The following PCNX1 variants were observed in gnomAD, a reference collection of about 807,000 sequenced individuals.
PCNX1 encodes pecanex 1.
PCNX1 carries 78 observed loss-of-function variants against 242.2 expected under a neutral mutation model. The ratio of observed to expected loss-of-function variants is 0.32; its 90% CI spans 0.27 to 0.39. The LOEUF (loss-of-function observed/expected upper bound fraction) is 0.39, where lower values mean the gene tolerates loss of function less well. Among genes scored for constraint, PCNX1 ranks in the 10% least tolerant of loss-of-function variants. PCNX1 has a pLI of 1.00. For missense variants in PCNX1, 2,581 were observed against 2,856.5 expected (o/e 0.90, Z 2.20); for synonymous variants, 1,024 against 1,032.9 (o/e 0.99, Z 0.17).
At chr14:70,948,618 T>C (rs571240307) in intron 2 of PCNX1, among the ~76,000 whole-genome samples, 1 of 151,268 alleles carries the variant, frequency 6.6e-6, no homozygotes, top group Non-Finnish European at 1.5e-5. Flanking sequence ...TAGATGTGTA[T>C]ATATACACAT....
intron 1 of PCNX1, among the ~76,000 whole-genome samples, chr14:70,944,608 G>A (rs1399166632): frequency 1.3e-5 from 2 of 152,140 alleles, no homozygotes; most frequent in African/African-American, 2.4e-5. Flanking sequence ...AAGACTTTGG[G>A]GGACAGTTGG....
intron 13 of PCNX1, 61 bp downstream of exon 13, chr14:71,023,293 GGTTT>G: frequency 7.5e-7 from 1 of 1,325,732 alleles, no homozygotes; most frequent in Non-Finnish European, 1.1e-6. Context: ...TAATATTTGT[GGTTT>G]GTTTTTTGTT....
chr14:70,941,411 G>A (rs942374643), intron 1 of PCNX1, among the ~76,000 whole-genome samples: 2 of 152,190 alleles, frequency 1.3e-5, no homozygotes, highest in African/African-American at 4.8e-5. Flanking sequence ...GACCCTGTTT[G>A]CCTGGATATC....
chr14:71,104,800 G>A lies in PCNX1; in HGVS notation c.6096-435G>A, dbSNP rs151248097. Among the ~76,000 whole-genome samples, 97 of 152,270 alleles carry A rather than the reference G, an allele frequency of 6.4e-4. 1 individual carries two copies. In the South Asian group the frequency reaches 0.016, roughly 26 times the overall value. Reference sequence around the variant, plus strand: ...AAATTAGCTGGACATGGTAGTGGGCGCCTGTAGTCCCAGCTACTCAGGAGG... The same window carrying A: ...AAATTAGCTGGACATGGTAGTGGGCACCTGTAGTCCCAGCTACTCAGGAGG... On this transcript the variant is annotated intron_variant, in intron 32 of 35. Coordinates refer to ENST00000304743, the MANE Select transcript of PCNX1 (RefSeq NM_014982.3).
intron 30 of PCNX1, chr14:71,092,765 T>A (rs2062170128): frequency 6.6e-6 from 1 of 152,182 alleles, no homozygotes; most frequent in African/African-American, 2.4e-5. Context: ...GGACTGTCTT[T>A]ACCTATAAAG....
intron 11 of PCNX1, among the ~76,000 whole-genome samples, chr14:71,016,663 A>G (rs2059969101): frequency 6.6e-6 from 1 of 152,212 alleles, no homozygotes; most frequent in Admixed American, 6.5e-5. Flanking sequence ...GAGAGAAATT[A>G]GTATTTTGGG....
At position 71,047,806 on chromosome 14, in the gene PCNX1, G is replaced by A; in HGVS notation, c.4161-1G>A. ...TGATTTGTGTTTTCTTTGTGCCACA[G>A]ATTAGGTGCTTTAATGATCACTGTT... On this transcript the variant is annotated splice_acceptor_variant, in intron 21 of 35. Coordinates refer to ENST00000304743, the MANE Select transcript of PCNX1 (RefSeq NM_014982.3). LOFTEE classifies it high-confidence loss of function. 6.2e-7 allele frequency: 1 copy of A among 1,605,024 alleles called. No individual in the cohort carries two copies. The highest frequency in any genetic ancestry group is 8.5e-7 in the Non-Finnish European group (1 of 1,174,532).
intron 33 of PCNX1, among the ~76,000 whole-genome samples, chr14:71,106,862 A>T (rs1005412099): frequency 6.6e-6 from 1 of 152,114 alleles, no homozygotes; most frequent in African/African-American, 2.4e-5. Flanking sequence ...CTGTACCACA[A>T]ATATCTTTTC....
chr14:70,944,956 G>C (rs1343989442), intron 1 of PCNX1, among the ~76,000 whole-genome samples: 2 of 152,198 alleles, frequency 1.3e-5, no homozygotes, highest in East Asian at 3.8e-4. Flanking sequence ...GGAACTGTGA[G>C]TCAATTAAAC....
chr14:70,968,448 A>G (rs533860159), intron 4 of PCNX1, among the ~76,000 whole-genome samples: 3 of 152,360 alleles, frequency 2.0e-5, no homozygotes, highest in East Asian at 3.9e-4. Flanking sequence ...GTGTCTGACC[A>G]CTTACATTAC....
intron 5 of PCNX1, among the ~76,000 whole-genome samples, chr14:70,973,350 T>C (rs2058597850): frequency 6.6e-6 from 1 of 151,780 alleles, no homozygotes; most frequent in Non-Finnish European, 1.5e-5. Context: ...GAACAACTAG[T>C]GAGATCAAAG....
At chr14:71,107,573 T>C (rs1381998780) in intron 33 of PCNX1, among the ~76,000 whole-genome samples, 2 of 152,202 alleles carry the variant, frequency 1.3e-5, no homozygotes, top group South Asian at 2.1e-4. Context: ...ATTACTCTTA[T>C]GAGTCAAGAA....
chr14:71,096,962 C>T (rs2062303278), intron 30 of PCNX1, among the ~76,000 whole-genome samples: 2 of 152,130 alleles, frequency 1.3e-5, no homozygotes, highest in African/African-American at 4.8e-5. Context: ...CCTTACTTCT[C>T]ACCCCATACA....
intron 3 of PCNX1, among the ~76,000 whole-genome samples, chr14:70,962,694 G>A (rs2058259800): frequency 6.6e-6 from 1 of 151,486 alleles, no homozygotes; most frequent in Admixed American, 6.6e-5. Context: ...AAAAATAAAT[G>A]CTGAAAATCT....
intron 30 of PCNX1, 134 bp downstream of exon 30, chr14:71,089,476 A>T: frequency 1.5e-6 from 1 of 659,452 alleles, no homozygotes; most frequent in East Asian, 3.0e-5. Context: ...AAAGAGGTTT[A>T]ATTGACTCAC....
At chr14:70,919,813 C>G (rs1794005938) in intron 1 of PCNX1, among the ~76,000 whole-genome samples, 1 of 138,202 alleles carries the variant, frequency 7.2e-6, no homozygotes, top group South Asian at 2.3e-4. Context: ...GCAGTTGCAT[C>G]TTTTATAACT....
rs2062787479 is a variant in PCNX1, at chr14:71,113,239, T to G, written c.*3304T>G. 1 of 152,236 alleles carries G rather than the reference T, an allele frequency of 6.6e-6. No individual in the cohort carries two copies. The highest frequency in any genetic ancestry group is 1.5e-5 in the Non-Finnish European group (1 of 68,032). 9.4% of individuals were successfully genotyped at this position (152,236 alleles called of 1,614,324 possible). On this transcript the variant is annotated 3_prime_UTR_variant, in exon 36 of 36. Transcript: ENST00000304743. ...ACTTTGTTACTGGAGGATGATAATC[T>G]ATTTCTATTAGATTCGAAGTATTTT...
chr14:71,067,318 A>T (rs909142401), intron 26 of PCNX1, among the ~76,000 whole-genome samples: 1 of 152,084 alleles, frequency 6.6e-6, no homozygotes, highest in African/African-American at 2.4e-5. Context: ...CAGGGGTTCA[A>T]CTTCTTCCTG....
At chr14:70,986,059 A>G (rs1475933698) in intron 6 of PCNX1, among the ~76,000 whole-genome samples, 1 of 152,224 alleles carries the variant, frequency 6.6e-6, no homozygotes, top group Non-Finnish European at 1.5e-5. Flanking sequence ...AGCTTTAAAG[A>G]CACATTTTCC....
Sources: allele counts gnomAD v4.1 joint callset (sites outside exome capture counted in the v4.1 genomes callset), GRCh38; gene constraint gnomAD v4.1.1; transcripts MANE v1.5; gene names NCBI Gene and HGNC (gene_info 2026-07-23, HGNC 2026-07-21).